AGBL4: variants seen among roughly 807,000 people sequenced by gnomAD.
AGBL4 encodes the protein AGBL carboxypeptidase 4.
A neutral mutation model predicts 66.4 loss-of-function variants in AGBL4; 58 were observed. The observed-to-expected ratio is 0.87, with a 90% CI of 0.71 to 1.09. The LOEUF (loss-of-function observed/expected upper bound fraction) is 1.09, where lower values mean the gene tolerates loss of function less well. AGBL4 is among the 50% of genes least tolerant of loss of function. The pLI is 0.00. For missense variants in AGBL4, 579 were observed against 631.0 expected, an observed-to-expected ratio of 0.92 and a Z score of 0.88; for synonymous variants, 234 against 222.9, an observed-to-expected ratio of 1.05 and a Z score of -0.44.
chr1:49,587,300 AAAGAG>A (rs529939900), intron 3 of AGBL4, among the ~76,000 whole-genome samples: 1,664 of 151,986 alleles, frequency 0.011, 13 homozygotes, highest in Middle Eastern at 0.031. Context: ...AAGAAAAAGA[AAAGAG>A]AAGAGAAGAG....
chr1:49,564,820 G>T (rs996560188), intron 3 of AGBL4, among the ~76,000 whole-genome samples: 3 of 152,146 alleles, frequency 2.0e-5, no homozygotes, highest in African/African-American at 7.2e-5. Flanking sequence ...ATGTCTATTA[G>T]GTCCGCTTGG....
chr1:48,936,872 T>G (rs1036840571), intron 5 of AGBL4, among the ~76,000 whole-genome samples: 4 of 152,172 alleles, frequency 2.6e-5, no homozygotes, highest in African/African-American at 9.7e-5. Context: ...GAGGAAAAAC[T>G]TGGAAAATCC....
At chr1:48,742,532 G>A in intron 6 of AGBL4, 1 of 1,284,016 alleles carries the variant, frequency 7.8e-7, no homozygotes, top group Non-Finnish European at 1.0e-6. Flanking sequence ...AACCAGTCAA[G>A]CTGCGATTTG....
At chr1:49,448,350 G>A (rs997663473) in intron 3 of AGBL4, among the ~76,000 whole-genome samples, 17 of 151,984 alleles carry the variant, frequency 1.1e-4, no homozygotes, top group African/African-American at 2.7e-4. Flanking sequence ...CCTTCTCCCC[G>A]TCTCCTTCAT....
chr1:49,098,757 C>T (rs765687641), intron 4 of AGBL4, among the ~76,000 whole-genome samples: 1 of 152,210 alleles, frequency 6.6e-6, no homozygotes, highest in Non-Finnish European at 1.5e-5. Flanking sequence ...GAAGCCTTCT[C>T]TTTAGCTAAA....
chr1:48,706,401 G>A (rs372858075), intron 6 of AGBL4, among the ~76,000 whole-genome samples: 11 of 152,144 alleles, frequency 7.2e-5, no homozygotes, highest in Admixed American at 3.3e-4. Flanking sequence ...AAATATAACT[G>A]CTAAAACCAG....
intron 5 of AGBL4, among the ~76,000 whole-genome samples, chr1:48,937,805 G>C (rs1002634939): frequency 1.3e-5 from 2 of 152,158 alleles, no homozygotes; most frequent in African/African-American, 2.4e-5. Flanking sequence ...TCTGGGGCTA[G>C]AACCCAGGTC....
At chr1:48,876,043 A>T (rs1649189163) in intron 5 of AGBL4, among the ~76,000 whole-genome samples, 1 of 152,318 alleles carries the variant, frequency 6.6e-6, no homozygotes, top group East Asian at 1.9e-4. Context: ...CCTCTGCACA[A>T]GGGAGTGAAA....
chr1:49,566,494 G>A (rs181525635), intron 3 of AGBL4, among the ~76,000 whole-genome samples: 1 of 152,258 alleles, frequency 6.6e-6, no homozygotes, highest in East Asian at 1.9e-4. Flanking sequence ...TGTCCTTTCT[G>A]TTTGCTAGTT....
At chr1:48,636,299 A>G (rs1189129039) in intron 8 of AGBL4, among the ~76,000 whole-genome samples, 1 of 152,216 alleles carries the variant, frequency 6.6e-6, no homozygotes, top group Non-Finnish European at 1.5e-5. Context: ...AGTTCCTGCC[A>G]TCTTTTCTTT....
chr1:49,974,308 A>G (rs1658384288), intron 1 of AGBL4, among the ~76,000 whole-genome samples: 1 of 152,192 alleles, frequency 6.6e-6, no homozygotes, highest in South Asian at 2.1e-4. Context: ...AAACCAGGTG[A>G]TTTATAAAAG....
intron 3 of AGBL4, among the ~76,000 whole-genome samples, chr1:49,267,463 G>A (rs891324941): frequency 4.6e-5 from 7 of 152,096 alleles, no homozygotes; most frequent in Admixed American, 3.3e-4. Context: ...GGCAGATCAC[G>A]AGGTCAGGAG....
At chr1:49,474,455 G>T (rs1011362185) in intron 3 of AGBL4, among the ~76,000 whole-genome samples, 2 of 151,892 alleles carry the variant, frequency 1.3e-5, no homozygotes, top group African/African-American at 4.8e-5. Flanking sequence ...CACCCAGGCT[G>T]GAGTGCAGTG....
At chr1:49,538,852 C>G (rs1420412063) in intron 3 of AGBL4, among the ~76,000 whole-genome samples, 3 of 152,042 alleles carry the variant, frequency 2.0e-5, no homozygotes, top group Non-Finnish European at 2.9e-5. Context: ...AGAGTATAAA[C>G]TGATACAAAC....
At chr1:48,793,305 C>T (rs1277883627) in intron 6 of AGBL4, among the ~76,000 whole-genome samples, 1 of 152,172 alleles carries the variant, frequency 6.6e-6, no homozygotes, top group African/African-American at 2.4e-5. Context: ...CTCACAAACT[C>T]CCCCAGCCTC....
chr1:49,725,883 A>C (rs1648991683), intron 2 of AGBL4, among the ~76,000 whole-genome samples: 1 of 152,056 alleles, frequency 6.6e-6, no homozygotes, highest in African/African-American at 2.4e-5. Context: ...TGAAAAGAAT[A>C]AATATTTGCT....
chr1:49,443,460 G>A (rs1646081965), intron 3 of AGBL4, among the ~76,000 whole-genome samples: 1 of 151,944 alleles, frequency 6.6e-6, no homozygotes, highest in Non-Finnish European at 1.5e-5. Context: ...ACAAATAGGA[G>A]CCCAGTTTTA....
At chr1:49,933,777 CAT>C (rs1298581385) in intron 1 of AGBL4, among the ~76,000 whole-genome samples, 1 of 151,554 alleles carries the variant, frequency 6.6e-6, no homozygotes, top group African/African-American at 2.4e-5. Flanking sequence ...ATACAAAAGA[CAT>C]AGAAAAGAAA....
At chr1:49,374,702 A>G (rs111243097) in intron 3 of AGBL4, among the ~76,000 whole-genome samples, 313 of 152,188 alleles carry the variant, frequency 2.1e-3, no homozygotes, top group African/African-American at 7.2e-3. Flanking sequence ...ACCAGCCACT[A>G]GATTTCCTAT....
Sources: allele counts gnomAD v4.1 joint callset (sites outside exome capture counted in the v4.1 genomes callset), GRCh38; gene constraint gnomAD v4.1.1; transcripts MANE v1.5; gene names NCBI Gene and HGNC (gene_info 2026-07-23, HGNC 2026-07-21).